The following MKLN1 variants were observed in gnomAD, a reference collection of about 807,000 sequenced individuals.
The protein encoded by MKLN1 is muskelin 1, also known as muskelin.
Under a neutral mutation model 99.0 loss-of-function variants are expected in MKLN1, and 18 were observed. The observed-to-expected ratio is 0.18, with a 90% confidence interval of 0.13 to 0.27. MKLN1 has a LOEUF of 0.27. Ranked by LOEUF, MKLN1 falls within the 10% of genes least tolerant of loss-of-function variation. MKLN1 has a pLI of 1.00. For missense variants in MKLN1, 621 were observed against 875.9 expected (o/e 0.71, Z 3.67); for synonymous variants, 288 against 293.2 (o/e 0.98, Z 0.18).
chr7:131,208,382 C>T (rs1458247857), intron 3 of MKLN1, among the ~76,000 whole-genome samples: 1 of 152,034 alleles, frequency 6.6e-6, no homozygotes, highest in Non-Finnish European at 1.5e-5. Context: ...TCGTTTGAGC[C>T]CAGGAGTTTG....
upstream of MKLN1, among the ~76,000 whole-genome samples, chr7:131,325,938 T>C (rs1452607696): frequency 6.8e-6 from 1 of 147,260 alleles, no homozygotes; most frequent in Admixed American, 7.3e-5. Flanking sequence ...GAGAGAAAAA[T>C]CAAGGCAGGT....
intron 2 of MKLN1, among the ~76,000 whole-genome samples, chr7:131,161,948 TAC>T (rs1218783772): frequency 2.1e-5 from 2 of 95,676 alleles, no homozygotes; most frequent in African/African-American, 5.0e-5. Flanking sequence ...CACATATATA[TAC>T]GTGTGTGTGT....
chr7:131,305,348 ATAT>A (rs1268848845), intron 3 of MKLN1, among the ~76,000 whole-genome samples: 4 of 152,148 alleles, frequency 2.6e-5, no homozygotes, highest in African/African-American at 7.2e-5. Flanking sequence ...GCCTTTAGTA[ATAT>A]TATTATTTGA....
chr7:131,165,480 C>T (rs984383066), intron 2 of MKLN1, among the ~76,000 whole-genome samples: 2 of 152,148 alleles, frequency 1.3e-5, no homozygotes, highest in East Asian at 1.9e-4. Context: ...CCACCACGCC[C>T]GGCCCAAGGG....
At position 131,256,818 on chromosome 7, in the gene MKLN1, G is replaced by T. The variant is rs147160329; in HGVS notation, c.-179+53844G>T. On this transcript the variant is annotated intron_variant, in intron 3 of 7. Coordinates refer to the MKLN1 transcript ENST00000416992. ...TCCAAAAGGGTGGAGGGAGGGAGGA[G>T]GGCTAAAAAGGGTTGAAAAACTACC... is the stretch of plus-strand genomic sequence containing the variant. Among the ~76,000 whole-genome samples, 49 of 152,000 alleles carry T rather than the reference G, an allele frequency of 3.2e-4. 1 individual carries two copies. The highest frequency in any genetic ancestry group is 6.9e-4 in the Non-Finnish European group (47 of 67,974).
chr7:131,153,395 T>A (rs6467355), intron 2 of MKLN1, among the ~76,000 whole-genome samples: 104,268 of 151,918 alleles, frequency 0.69, 36,466 homozygotes, highest in Non-Finnish European at 0.73. Context: ...ATCTTTTGAC[T>A]CAACCCAAGC....
At chr7:131,486,094 A>ATCT (rs1797267124) in intron 17 of MKLN1, among the ~76,000 whole-genome samples, 1 of 151,878 alleles carries the variant, frequency 6.6e-6, no homozygotes, top group Admixed American at 6.6e-5. Flanking sequence ...ATGGAGAGAG[A>ATCT]CAGAGAGAGA....
At chr7:131,455,513 C>T (rs1796305043) in intron 12 of MKLN1, among the ~76,000 whole-genome samples, 1 of 151,996 alleles carries the variant, frequency 6.6e-6, no homozygotes, top group Non-Finnish European at 1.5e-5. Context: ...TTGTATCATT[C>T]TTATTTTCTG....
At chr7:131,312,652 G>A (rs1798587507) in intron 3 of MKLN1, among the ~76,000 whole-genome samples, 1 of 152,022 alleles carries the variant, frequency 6.6e-6, no homozygotes, top group South Asian at 2.1e-4. Flanking sequence ...TTTGACCAAA[G>A]TCCCCTCTTA....
Position 131,490,576 on chromosome 7 carries a change from TGACA to T in MKLN1, c.*2854_*2857del, listed in dbSNP as rs901561596. 1 of 152,588 alleles carries T rather than the reference TGACA, an allele frequency of 6.6e-6. No homozygotes were observed. The highest frequency in any genetic ancestry group is 1.5e-5 in the Non-Finnish European group (1 of 68,006). 9.5% of individuals were successfully genotyped at this position (152,588 alleles called of 1,614,324 possible). On this transcript the variant is annotated 3_prime_UTR_variant, in exon 18 of 18. Transcript: ENST00000352689. ...TAAATGCCTACCTCTGTGCTGAAGC[TGACA>T]GACAGTATTAACTCTTATCAAGGCC...
intron 12 of MKLN1, among the ~76,000 whole-genome samples, chr7:131,449,221 G>T (rs1242844296): frequency 1.3e-5 from 2 of 152,202 alleles, no homozygotes; most frequent in Non-Finnish European, 2.9e-5. Context: ...AGGAACCTGG[G>T]ATGTTCAGAA....
intron 3 of MKLN1, among the ~76,000 whole-genome samples, chr7:131,227,861 C>T (rs879845234): frequency 3.0e-4 from 46 of 151,742 alleles, no homozygotes; most frequent in South Asian, 6.2e-4. Flanking sequence ...CCACCGCGCC[C>T]GGCCTTCACT....
At chr7:131,403,466 A>G (rs989412600) in intron 6 of MKLN1, among the ~76,000 whole-genome samples, 5 of 152,180 alleles carry the variant, frequency 3.3e-5, no homozygotes, top group African/African-American at 1.2e-4. Context: ...TCATGGGTTC[A>G]CTTGTAATTT....
intron 3 of MKLN1, among the ~76,000 whole-genome samples, chr7:131,287,464 C>T (rs1195094642): frequency 1.3e-5 from 2 of 152,208 alleles, no homozygotes; most frequent in Non-Finnish European, 2.9e-5. Context: ...GTCACATTGC[C>T]TCCTCCTTTT....
intron 3 of MKLN1, among the ~76,000 whole-genome samples, chr7:131,236,674 A>C (rs370644913): frequency 1.3e-5 from 2 of 152,182 alleles, no homozygotes; most frequent in Admixed American, 6.5e-5. Context: ...AAAAAATTTT[A>C]AAAAAAGTAG....
At chr7:131,228,251 G>C (rs1797186683) in intron 3 of MKLN1, among the ~76,000 whole-genome samples, 1 of 152,066 alleles carries the variant, frequency 6.6e-6, no homozygotes, top group African/African-American at 2.4e-5. Flanking sequence ...GTAGAGACAG[G>C]TTTCTGCCAT....
chr7:131,265,798 A>G (rs1797799385), intron 3 of MKLN1, among the ~76,000 whole-genome samples: 2 of 152,210 alleles, frequency 1.3e-5, no homozygotes, highest in Non-Finnish European at 2.9e-5. Flanking sequence ...AACTAAAATA[A>G]TGGAAAGTTT....
chr7:131,371,466 A>G (rs1044022412), intron 1 of MKLN1, among the ~76,000 whole-genome samples: 1 of 152,108 alleles, frequency 6.6e-6, no homozygotes, highest in African/African-American at 2.4e-5. Context: ...AATAGCATTG[A>G]TACATTGACA....
chr7:131,110,584 A>G (rs1377267469), intron 1 of MKLN1, among the ~76,000 whole-genome samples: 2 of 152,190 alleles, frequency 1.3e-5, no homozygotes, highest in African/African-American at 4.8e-5. Context: ...TGTCTTGTTC[A>G]AAACTAGTGA....
Sources: gnomAD v4.1 joint callset for allele counts (sites outside exome capture counted in the v4.1 genomes callset) on GRCh38, gnomAD v4.1.1 for gene constraint, MANE v1.5 for transcripts, NCBI Gene and HGNC (gene_info 2026-07-23, HGNC 2026-07-21) for gene names.